Variants in TMEM266 observed in about 807,000 individuals in gnomAD.
The protein encoded by TMEM266 is transmembrane protein 266.
A neutral mutation model predicts 50.5 loss-of-function variants in TMEM266; 33 were observed. The ratio of observed to expected loss-of-function variants is 0.65; its 90% CI spans 0.50 to 0.87. The LOEUF (loss-of-function observed/expected upper bound fraction) is 0.87. TMEM266 is among the 40% of genes least tolerant of loss of function. TMEM266 has a pLI of 0.00. For missense variants in TMEM266, 655 were observed against 695.1 expected, an observed-to-expected ratio of 0.94 and a Z score of 0.65; for synonymous variants, 310 against 292.3, an observed-to-expected ratio of 1.06 and a Z score of -0.62.
In TMEM266 at chr15:76,192,142, C is replaced by T. The variant is rs1345116026; in HGVS notation, c.943C>T (p.Leu315=). 7.1e-7 allele frequency: 1 copy of T among 1,403,074 alleles called. No homozygotes were observed. Among genetic ancestry groups the T allele is most frequent in the Non-Finnish European group, 9.2e-7 (1 of 1,081,434 alleles). 86.9% of individuals were successfully genotyped at this position (1,403,074 alleles called of 1,614,324 possible). The change falls in exon 9 of 11, where the codon CTG becomes TTG. Residue 315 remains leucine, a synonymous_variant. Transcript: ENST00000388942. ...GGCGGCCGAGAGCGTCGTGGAGGAG[C>T]TGCAGCCCTCGCAAGGTAAGCCCGG...
chr15:76,204,543 G>C lies in TMEM266; in HGVS notation c.*228G>C. The C allele has an allele frequency of 2.4e-6, 1 of 422,912 alleles. No individual in the cohort carries two copies. The highest frequency in any genetic ancestry group is 4.2e-6 in the Non-Finnish European group (1 of 238,960). 26.2% of individuals were successfully genotyped at this position (422,912 alleles called of 1,614,324 possible). On this transcript the variant is annotated 3_prime_UTR_variant, in exon 11 of 11. Transcript: ENST00000388942. ...CCCTGCTCAGGGGAGGGTGGTGCTC[G>C]TGGCTGGGTTTTCTTTTTAACCATT... is the stretch of plus-strand genomic sequence containing the variant.
chr15:76,117,403 A>G (rs190993042), intron 1 of TMEM266, among the ~76,000 whole-genome samples: 1 of 152,120 alleles, frequency 6.6e-6, no homozygotes, highest in East Asian at 1.9e-4. Flanking sequence ...TTTTGTCTTT[A>G]TTTACACGTG....
intron 1 of TMEM266, among the ~76,000 whole-genome samples, chr15:76,079,821 T>G: frequency 6.7e-6 from 1 of 148,298 alleles, no homozygotes. Flanking sequence ...GTAGATATGA[T>G]TTAGGGCGGT....
At chr15:76,162,849 G>T (rs1487204926) in intron 5 of TMEM266, among the ~76,000 whole-genome samples, 1 of 152,252 alleles carries the variant, frequency 6.6e-6, no homozygotes, top group East Asian at 1.9e-4. Context: ...ACGTCTTCAG[G>T]TCTGCCAGTT....
chr15:76,178,645 C>A (rs2142068528), intron 8 of TMEM266: 1 of 152,268 alleles, frequency 6.6e-6, no homozygotes, highest in South Asian at 2.1e-4. Context: ...CCCCGGGGAC[C>A]CCAGGTTCCT....
chr15:76,145,597 A>G (rs2037744234), intron 3 of TMEM266, among the ~76,000 whole-genome samples: 1 of 152,256 alleles, frequency 6.6e-6, no homozygotes, highest in Non-Finnish European at 1.5e-5. Flanking sequence ...ATCATTTCCC[A>G]GAGTACATTA....
At chr15:76,128,267 T>C (rs1408217567) in intron 1 of TMEM266, among the ~76,000 whole-genome samples, 1 of 152,238 alleles carries the variant, frequency 6.6e-6, no homozygotes, top group East Asian at 1.9e-4. Flanking sequence ...TGGGGTCCTC[T>C]GGGGACAGGT....
chr15:76,081,771 C>G (rs2036698310), intron 1 of TMEM266, among the ~76,000 whole-genome samples: 1 of 152,188 alleles, frequency 6.6e-6, no homozygotes. Flanking sequence ...ATGGTCACCA[C>G]ACTGCAAATC....
intron 1 of TMEM266, among the ~76,000 whole-genome samples, chr15:76,079,362 A>C (rs958484393): frequency 6.7e-5 from 10 of 150,158 alleles, no homozygotes; most frequent in African/African-American, 2.2e-4. Flanking sequence ...CAAAAAAAAA[A>C]ACAAAAGTCA....
chr15:76,064,945 T>G (rs1176579137), intron 1 of TMEM266, among the ~76,000 whole-genome samples: 2 of 152,176 alleles, frequency 1.3e-5, no homozygotes, highest in Non-Finnish European at 2.9e-5. Context: ...ATTGCCATTT[T>G]CTCCAGCCAA....
At chr15:76,104,961 T>A (rs2037059000) in intron 1 of TMEM266, among the ~76,000 whole-genome samples, 1 of 152,176 alleles carries the variant, frequency 6.6e-6, no homozygotes, top group African/African-American at 2.4e-5. Context: ...GGCTCACACC[T>A]GTAATCCCAA....
intron 1 of TMEM266, among the ~76,000 whole-genome samples, chr15:76,076,978 T>A (rs113792912): frequency 6.6e-6 from 1 of 151,848 alleles, no homozygotes; most frequent in Non-Finnish European, 1.5e-5. Context: ...TGTTGTTGTT[T>A]TTTTGAGACA....
intron 8 of TMEM266, among the ~76,000 whole-genome samples, chr15:76,186,867 T>C (rs573966865): frequency 3.5e-4 from 53 of 152,350 alleles, no homozygotes; most frequent in Middle Eastern, 3.4e-3. Flanking sequence ...AACATCTTAC[T>C]GTGGCTCCAG....
chr15:76,203,700 C>T, intron 10 of TMEM266, 41 bp from the exon 11 acceptor site: 1 of 1,569,900 alleles, frequency 6.4e-7, no homozygotes. Flanking sequence ...CCAGGTGTGG[C>T]AGAGGTTGAA....
At chr15:76,194,009 G>A (rs1408960746) in intron 9 of TMEM266, among the ~76,000 whole-genome samples, 2 of 152,230 alleles carry the variant, frequency 1.3e-5, no homozygotes, top group Non-Finnish European at 2.9e-5. Flanking sequence ...GAATGTTGAG[G>A]TGGCCACTAC....
chr15:76,076,435 G>A (rs1465792231), intron 1 of TMEM266, among the ~76,000 whole-genome samples: 1 of 152,008 alleles, frequency 6.6e-6, no homozygotes, highest in African/African-American at 2.4e-5. Context: ...GTATTGTTTT[G>A]ATGTGGGCTC....
intron 1 of TMEM266, among the ~76,000 whole-genome samples, chr15:76,114,561 C>T (rs1282195767): frequency 6.6e-6 from 1 of 152,162 alleles, no homozygotes; most frequent in African/African-American, 2.4e-5. Context: ...ATATACATCA[C>T]ACTATATTGT....
rs138879213 is a variant in TMEM266 at position 76,194,883 on chromosome 15, C to T, written c.958+2726C>T. 9.7e-3 allele frequency among the ~76,000 whole-genome samples: 1,473 copies of T among 152,228 alleles called. 30 individuals are homozygous for T. Among genetic ancestry groups the T allele is most frequent in the African/African-American group, 0.034 (1,422 of 41,514 alleles). ...CCACATTCTGAGGTACTAGGGGTTA[C>T]GGCTTCAACATGTGAATGAAGAGGG... On this transcript the variant is annotated intron_variant, in intron 9 of 10. Coordinates refer to ENST00000388942, the MANE Select transcript of TMEM266 (RefSeq NM_152335.3).
intron 1 of TMEM266, among the ~76,000 whole-genome samples, chr15:76,099,745 T>G (rs1331925447): frequency 6.6e-6 from 1 of 152,110 alleles, no homozygotes; most frequent in Non-Finnish European, 1.5e-5. Flanking sequence ...ACAGCCTGGG[T>G]TAGTCCATTT....
Sources: allele counts gnomAD v4.1 joint callset (sites outside exome capture counted in the v4.1 genomes callset), GRCh38; gene constraint gnomAD v4.1.1; transcripts MANE v1.5; gene names NCBI Gene and HGNC (gene_info 2026-07-23, HGNC 2026-07-21).